EYS: variants seen among roughly 807,000 people sequenced by gnomAD.
EYS encodes protein eyes shut homolog.
EYS carries 250 observed loss-of-function variants against 282.1 expected under a neutral mutation model. The observed-to-expected ratio is 0.89, with a 90% confidence interval of 0.80 to 0.98. The LOEUF is 0.98. EYS is among the 50% of genes least tolerant of loss of function. The pLI is 0.00. For missense variants in EYS, 4,016 were observed against 3,709.0 expected (o/e 1.08, Z -2.15); for synonymous variants, 1,355 against 1,282.9 (o/e 1.06, Z -1.20).
intron 13 of EYS, among the ~76,000 whole-genome samples, chr6:65,015,136 C>T (rs1482077151): frequency 1.3e-5 from 2 of 151,856 alleles, no homozygotes; most frequent in Non-Finnish European, 2.9e-5. Flanking sequence ...CTTTGGCCTC[C>T]AAATATATAA....
chr6:65,301,154 T>A (rs1582116487), intron 11 of EYS, among the ~76,000 whole-genome samples: 1 of 152,208 alleles, frequency 6.6e-6, no homozygotes, highest in African/African-American at 2.4e-5. Flanking sequence ...CTTTGCATTT[T>A]AAATAATTTT....
chr6:64,533,113 A>G (rs1663657748), intron 26 of EYS, among the ~76,000 whole-genome samples: 1 of 152,228 alleles, frequency 6.6e-6, no homozygotes, highest in South Asian at 2.1e-4. Flanking sequence ...ATTAAAAGCC[A>G]TGGAGAAGAT....
chr6:63,936,902 CAT>C (rs1206603283), intron 35 of EYS, among the ~76,000 whole-genome samples: 3 of 152,092 alleles, frequency 2.0e-5, no homozygotes, highest in African/African-American at 7.2e-5. Context: ...GAAATTATAA[CAT>C]GTCATGAGGA....
At chr6:64,441,296 C>G (rs1780426407) in intron 26 of EYS, among the ~76,000 whole-genome samples, 1 of 152,184 alleles carries the variant, frequency 6.6e-6, no homozygotes, top group African/African-American at 2.4e-5. Context: ...TCAGGTTACA[C>G]AACTCTGAAT....
intron 24 of EYS, among the ~76,000 whole-genome samples, chr6:64,607,253 T>C (rs953272852): frequency 4.0e-5 from 6 of 151,296 alleles, no homozygotes; most frequent in Non-Finnish European, 7.4e-5. Flanking sequence ...CCATTTGTTA[T>C]CATGTAAGAA....
chr6:64,145,314 A>G (rs1263703717), intron 31 of EYS, among the ~76,000 whole-genome samples: 2 of 152,220 alleles, frequency 1.3e-5, no homozygotes, highest in African/African-American at 4.8e-5. Flanking sequence ...TCTGAAATGC[A>G]CACAAAATGC....
At position 65,494,746 on chromosome 6, in the gene EYS, C is replaced by G; in HGVS notation, c.665G>C (p.Cys222Ser). 6.2e-7 allele frequency: 1 copy of G among 1,613,722 alleles called. No homozygotes were observed. The highest frequency in any genetic ancestry group is 8.5e-7 in the Non-Finnish European group (1 of 1,179,798). Residue 222 changes from cysteine to serine, a missense_variant, in exon 4 of 43, where the codon TGT (cysteine) becomes TCT (serine). Cys to Ser is a moderately radical substitution (Grantham distance 112, BLOSUM62 -1). Transcript: ENST00000503581. ...QELDACSFKP[C>S]KNNGSCINKR... ...ATTAATGCAACTGCCATTATTTTTACATGGTTTAAAAGAACATGCATCAAG... is the reference window on the plus strand; with the variant it reads ...ATTAATGCAACTGCCATTATTTTTAGATGGTTTAAAAGAACATGCATCAAG...
At chr6:63,811,559 T>A (rs956419403) in intron 36 of EYS, among the ~76,000 whole-genome samples, 2 of 152,214 alleles carry the variant, frequency 1.3e-5, no homozygotes, top group African/African-American at 4.8e-5. Context: ...CTGTATTTGA[T>A]CATGAGTACC....
chr6:64,902,365 C>A (rs1767694018), intron 17 of EYS, 39 bp downstream of exon 17: 2 of 1,395,930 alleles, frequency 1.4e-6, no homozygotes, highest in Non-Finnish European at 2.0e-6. Context: ...CATCTAGACA[C>A]ATAAACATGT....
chr6:64,201,419 C>A (rs1233185446), intron 31 of EYS, among the ~76,000 whole-genome samples: 1 of 152,018 alleles, frequency 6.6e-6, no homozygotes, highest in African/African-American at 2.4e-5. Context: ...TAAAATGGAG[C>A]CTTAGAAATG....
At chr6:65,116,688 G>A (rs1775384112) in intron 12 of EYS, among the ~76,000 whole-genome samples, 1 of 151,916 alleles carries the variant, frequency 6.6e-6, no homozygotes, top group Non-Finnish European at 1.5e-5. Flanking sequence ...ACAATTCTAT[G>A]AAAACAAAAC....
At chr6:64,559,756 TA>T (rs371091889) in intron 26 of EYS, among the ~76,000 whole-genome samples, 4,597 of 151,904 alleles carry the variant, frequency 0.03, 152 homozygotes, top group East Asian at 0.11. Context: ...TACTCTTTTT[TA>T]AAAAAAAATT....
Position 65,078,193 on chromosome 6 carries a change from T to C in EYS, c.2024-20466A>G, listed in dbSNP as rs141254199. On this transcript the variant is annotated intron_variant, in intron 12 of 42. Coordinates refer to ENST00000503581, the MANE Select transcript of EYS (RefSeq NM_001142800.2). ...GTATTCTAGTAGTCTCACATATTTA[T>C]ATGCCAGCATGCACTTTATGTTTGC... Among the ~76,000 whole-genome samples the C allele has an allele frequency of 3.1e-3, 471 of 152,252 alleles. 2 individuals are homozygous for C. The highest frequency in any genetic ancestry group is 0.01 in the African/African-American group (423 of 41,570).
rs1213082089 is a variant in EYS, at chr6:65,257,447, A to G, written c.2023+38416T>C. Among the ~76,000 whole-genome samples the G allele has an allele frequency of 2.3e-5, 3 of 128,524 alleles. 1 individual carries two copies. Among genetic ancestry groups the G allele is most frequent in the Admixed American group, 7.4e-5 (1 of 13,542 alleles). The allele number at this position is 128,524 out of a possible 152,430, so 84.3% of individuals were successfully genotyped here. ...TAATCCATCTTGAATTGATTTTTGT[A>G]TAAGGTGTAAGGAAGGGATCCAGTT... On this transcript the variant is annotated intron_variant, in intron 12 of 42. Transcript: ENST00000503581.
At chr6:65,353,690 A>G in intron 8 of EYS, 73 bp from the exon 9 acceptor site, 1 of 1,296,886 alleles carries the variant, frequency 7.7e-7, no homozygotes, top group Non-Finnish European at 1.1e-6. Context: ...TATAACATAA[A>G]CAGCTAATTT....
chr6:64,675,849 C>T (rs986086138), intron 22 of EYS, among the ~76,000 whole-genome samples: 9 of 151,082 alleles, frequency 6.0e-5, no homozygotes, highest in African/African-American at 1.7e-4. Context: ...CTACTTAATC[C>T]CTTAGTTACT....
At chr6:64,337,890 C>A (rs1435298813) in intron 29 of EYS, among the ~76,000 whole-genome samples, 1 of 152,042 alleles carries the variant, frequency 6.6e-6, no homozygotes, top group Non-Finnish European at 1.5e-5. Flanking sequence ...ACATGATCAT[C>A]TCAATAGATG....
chr6:64,729,225 T>C (rs1452743417), intron 22 of EYS, among the ~76,000 whole-genome samples: 1 of 152,198 alleles, frequency 6.6e-6, no homozygotes, highest in Non-Finnish European at 1.5e-5. Context: ...TGCCCAGAAT[T>C]TCCCTGCCTC....
chr6:64,444,783 G>A (rs1467382905), intron 26 of EYS, among the ~76,000 whole-genome samples: 1 of 152,146 alleles, frequency 6.6e-6, no homozygotes, highest in Non-Finnish European at 1.5e-5. Flanking sequence ...ATGGCTTGGT[G>A]CCATCTTCAC....
Sources: allele counts gnomAD v4.1 joint callset (sites outside exome capture counted in the v4.1 genomes callset), GRCh38; gene constraint gnomAD v4.1.1; transcripts MANE v1.5; gene names NCBI Gene and HGNC (gene_info 2026-07-23, HGNC 2026-07-21).